The following CUX2 variants were observed in gnomAD, a reference collection of about 807,000 sequenced individuals.
CUX2 encodes homeobox protein cut-like 2.
CUX2 carries 40 observed loss-of-function variants against 144.8 expected under a neutral mutation model. That is an observed-to-expected ratio of 0.28 (90% CI 0.21 to 0.36). CUX2 has a LOEUF of 0.36. Ranked by LOEUF, CUX2 falls within the 10% of genes least tolerant of loss-of-function variation. The pLI, the probability that CUX2 is intolerant of heterozygous loss-of-function variation, is 1.00. For missense variants in CUX2, 1,615 were observed against 1,994.0 expected, an observed-to-expected ratio of 0.81 and a Z score of 3.62; for synonymous variants, 827 against 875.6, an observed-to-expected ratio of 0.94 and a Z score of 0.98.
chr12:111,126,183 A>G (rs1875070319), intron 1 of CUX2, among the ~76,000 whole-genome samples: 1 of 150,042 alleles, frequency 6.7e-6, no homozygotes, highest in Admixed American at 6.7e-5. Context: ...ATCTTGGCTC[A>G]CTGCAACCTC....
chr12:111,137,364 T>TTTGTTGATGTTGTCGTTG (rs1875965035), intron 1 of CUX2, among the ~76,000 whole-genome samples: 1 of 148,446 alleles, frequency 6.7e-6, no homozygotes, highest in Non-Finnish European at 1.5e-5. Context: ...GTTGTTGTTG[T>TTTGTTGATGTTGTCGTTG]TTGTTGATGT....
intron 1 of CUX2, among the ~76,000 whole-genome samples, chr12:111,170,477 G>T (rs1878447002): frequency 6.7e-6 from 1 of 148,316 alleles, no homozygotes; most frequent in African/African-American, 2.5e-5. Flanking sequence ...TGGATCACAG[G>T]ATAGGGTGAT....
intron 18 of CUX2, among the ~76,000 whole-genome samples, chr12:111,332,073 A>G (rs939351938): frequency 6.8e-6 from 1 of 147,698 alleles, no homozygotes; most frequent in Non-Finnish European, 1.5e-5. Flanking sequence ...AGTGAGTGAG[A>G]CTCCATCTCC....
intron 21 of CUX2, 95 bp from the exon 22 acceptor site, chr12:111,347,429 G>A: frequency 3.4e-6 from 4 of 1,170,480 alleles, no homozygotes; most frequent in Non-Finnish European, 4.8e-6. Flanking sequence ...GAGCCCCAGG[G>A]CAGTGGGTGG....
At chr12:111,087,833 C>T (rs975173758) in intron 1 of CUX2, among the ~76,000 whole-genome samples, 2 of 152,136 alleles carry the variant, frequency 1.3e-5, no homozygotes, top group Non-Finnish European at 2.9e-5. Flanking sequence ...CTGAAGTTTA[C>T]CCCAAAACCT....
intron 3 of CUX2, among the ~76,000 whole-genome samples, chr12:111,259,206 G>A (rs1175939758): frequency 1.3e-5 from 2 of 152,170 alleles, no homozygotes; most frequent in Non-Finnish European, 2.9e-5. Flanking sequence ...CTGGCCTCAG[G>A]ATAATTTCTT....
intron 2 of CUX2, among the ~76,000 whole-genome samples, chr12:111,216,632 T>C (rs1881548333): frequency 6.6e-6 from 1 of 152,216 alleles, no homozygotes; most frequent in South Asian, 2.1e-4. Context: ...CGTAGCTGCT[T>C]CCTGCCTAGC....
chr12:111,041,219 G>A (rs1332559540), intron 1 of CUX2, among the ~76,000 whole-genome samples: 1 of 152,178 alleles, frequency 6.6e-6, no homozygotes, highest in Non-Finnish European at 1.5e-5. Context: ...AGGTTGTTCA[G>A]GAAGATCAAA....
intron 1 of CUX2, among the ~76,000 whole-genome samples, chr12:111,164,946 C>T (rs1294962385): frequency 6.6e-6 from 1 of 152,058 alleles, no homozygotes; most frequent in Non-Finnish European, 1.5e-5. Flanking sequence ...GTTTTAGGGC[C>T]AGCCATGGGG....
At chr12:111,207,774 G>C (rs564313720) in intron 1 of CUX2, among the ~76,000 whole-genome samples, 1 of 151,934 alleles carries the variant, frequency 6.6e-6, no homozygotes, top group East Asian at 1.9e-4. Context: ...AATGTTCTAG[G>C]GCTTAAAAAA....
chr12:111,047,053 G>A (rs887526921), intron 1 of CUX2, among the ~76,000 whole-genome samples: 2 of 152,236 alleles, frequency 1.3e-5, no homozygotes, highest in African/African-American at 4.8e-5. Flanking sequence ...ATGGGTCAGG[G>A]GAAGGTGAGA....
intron 4 of CUX2, among the ~76,000 whole-genome samples, chr12:111,288,606 C>A (rs1287503623): frequency 6.6e-6 from 1 of 152,034 alleles, no homozygotes; most frequent in Non-Finnish European, 1.5e-5. Context: ...GCAGGCAGAT[C>A]ACCTGAGGTC....
intron 1 of CUX2, among the ~76,000 whole-genome samples, chr12:111,118,806 T>G (rs1784167585): frequency 6.6e-6 from 1 of 152,210 alleles, no homozygotes; most frequent in South Asian, 2.1e-4. Flanking sequence ...CAGATTTTTT[T>G]TACAGGACAC....
intron 1 of CUX2, among the ~76,000 whole-genome samples, chr12:111,161,626 G>A (rs1877771610): frequency 6.6e-6 from 1 of 152,186 alleles, no homozygotes; most frequent in South Asian, 2.1e-4. Context: ...CAAAATAGTA[G>A]TTGCACAGCA....
At chr12:111,327,326 C>G (rs1207205721) in intron 18 of CUX2, among the ~76,000 whole-genome samples, 2 of 152,142 alleles carry the variant, frequency 1.3e-5, no homozygotes, top group Non-Finnish European at 2.9e-5. Context: ...GAATAATGCG[C>G]CTATGAAAAT....
chr12:111,165,914 G>A (rs1878108408), intron 1 of CUX2, among the ~76,000 whole-genome samples: 1 of 152,180 alleles, frequency 6.6e-6, no homozygotes, highest in African/African-American at 2.4e-5. Context: ...AGTGTTTGGT[G>A]GTGGTGATTA....
At chr12:111,330,701 A>G (rs1319686622) in intron 18 of CUX2, among the ~76,000 whole-genome samples, 9 of 15,128 alleles carry the variant, frequency 5.9e-4, no homozygotes, top group African/African-American at 2.1e-3. Context: ...ATATATATAT[A>G]TATATATATA....
At chr12:111,200,283 A>G (rs1023686555) in intron 1 of CUX2, among the ~76,000 whole-genome samples, 4 of 152,110 alleles carry the variant, frequency 2.6e-5, no homozygotes, top group African/African-American at 9.7e-5. Context: ...GTGCAGCTTC[A>G]GGTAATTAAA....
chr12:111,139,514 G>A (rs1330922294), intron 1 of CUX2, among the ~76,000 whole-genome samples: 4 of 152,156 alleles, frequency 2.6e-5, no homozygotes, highest in African/African-American at 7.2e-5. Flanking sequence ...CCAGCACTGC[G>A]TTGGGACAGA....
Sources: allele counts gnomAD v4.1 joint callset (sites outside exome capture counted in the v4.1 genomes callset), GRCh38; gene constraint gnomAD v4.1.1; transcripts MANE v1.5; gene names NCBI Gene and HGNC (gene_info 2026-07-23, HGNC 2026-07-21).